The following PAXBP1 variants were observed in gnomAD, a reference collection of about 807,000 sequenced individuals.
PAXBP1 encodes PAX3- and PAX7-binding protein 1.
A neutral mutation model predicts 119.9 loss-of-function variants in PAXBP1; 44 were observed. That is an observed-to-expected ratio of 0.37 (90% CI 0.29 to 0.47). PAXBP1 has a LOEUF of 0.47. Among genes scored for constraint, PAXBP1 ranks in the 20% least tolerant of loss-of-function variants. The pLI, the probability that PAXBP1 is intolerant of heterozygous loss-of-function variation, is 0.99. For synonymous variants in PAXBP1, 393 were observed against 406.6 expected (o/e 0.97, Z 0.40); for missense variants, 898 against 1,134.1 (o/e 0.79, Z 2.99).
At chr21:32,735,149 A>G (rs2043675638) in intron 17 of PAXBP1, 82 bp from the exon 18 acceptor site, 1 of 874,600 alleles carries the variant, frequency 1.1e-6, no homozygotes, top group African/African-American at 1.7e-5. Context: ...GCTATTTTAG[A>G]GCTTCTGCAA....
rs779138819 is a variant in PAXBP1 at position 32,769,839 on chromosome 21, C to G, written c.447G>C (p.Lys149Asn). 1.9e-6 allele frequency: 3 copies of G among 1,601,810 alleles called. No individual in the cohort carries two copies. Among genetic ancestry groups the G allele is most frequent in the Non-Finnish European group, 2.5e-6 (3 of 1,176,796 alleles). ...YKEDLEKSKI[K>N]TELNSSAESE... ...TTTCAGCTGATGAGTTGAGTTCTGTCTTAATCTTCGATTTTTCAAGATCTT... is the reference window on the plus strand; with the variant it reads ...TTTCAGCTGATGAGTTGAGTTCTGTGTTAATCTTCGATTTTTCAAGATCTT... Residue 149 changes from lysine (K) to asparagine (N), a missense_variant, in exon 2 of 18, where the codon AAG becomes AAC. This residue lies in a region of PAXBP1 where 299 missense variants were observed against 281.4 expected (regional missense o/e 1.06). Transcript: ENST00000331923.
Position 32,734,691 on chromosome 21 carries a change from G to C in PAXBP1, c.*259C>G, listed in dbSNP as rs570729984. The C allele has an allele frequency of 6.4e-6, 3 of 468,730 alleles. No individual in the cohort carries two copies. Among genetic ancestry groups the C allele is most frequent in the African/African-American group, 4.0e-5 (2 of 50,624 alleles). The allele number at this position is 468,730 out of a possible 1,614,324, so 29.0% of individuals were successfully genotyped here. ...GTTTACAGGGGACAATTAACTGAGA[G>C]GGTTAATTTAAATGACCATACAAAA... On this transcript the variant is annotated 3_prime_UTR_variant, in exon 18 of 18. Transcript: ENST00000331923.
chr21:32,734,857 T>A lies in PAXBP1; in HGVS notation c.*93A>T. ...AATGTTTTTTGTATTAAAACAAGAA[T>A]TGCTATTTTACAGTTTAAGAAACTT... On this transcript the variant is annotated 3_prime_UTR_variant, in exon 18 of 18. Transcript: ENST00000331923. The A allele has an allele frequency of 1.1e-6, 1 of 870,216 alleles. No homozygotes were observed. The highest frequency in any genetic ancestry group is 2.4e-5 in the East Asian group (1 of 41,062). The allele number at this position is 870,216 out of a possible 1,614,324, so 53.9% of individuals were successfully genotyped here. A position where few individuals can be genotyped will look rare whatever the true frequency, so the allele number is the denominator to read the frequency against.
intron 14 of PAXBP1, 90 bp from the exon 15 acceptor site, chr21:32,743,404 A>C (rs1345611899): frequency 3.4e-6 from 3 of 870,734 alleles, no homozygotes; most frequent in Non-Finnish European, 5.2e-6. Flanking sequence ...TCTACAAAAC[A>C]GGTAAACAAA....
chr21:32,748,296 A>G (rs576105067), intron 11 of PAXBP1, among the ~76,000 whole-genome samples: 1 of 152,176 alleles, frequency 6.6e-6, no homozygotes, highest in Non-Finnish European at 1.5e-5. Flanking sequence ...ACAACAACAA[A>G]AAAAACACAT....
At chr21:32,760,962 T>C in intron 5 of PAXBP1, 97 bp downstream of exon 5, 2 of 876,830 alleles carry the variant, frequency 2.3e-6, no homozygotes, top group Non-Finnish European at 3.6e-6. Context: ...TTACTTGAAA[T>C]GAATGACAAA....
chr21:32,737,119 A>AT, intron 17 of PAXBP1, 135 bp downstream of exon 17: 1 of 705,038 alleles, frequency 1.4e-6, no homozygotes, highest in Non-Finnish European at 2.0e-6. Context: ...AATTATGTGC[A>AT]TTTTTGGTAG....
intron 7 of PAXBP1, among the ~76,000 whole-genome samples, chr21:32,758,637 T>C (rs2044082071): frequency 9.2e-6 from 1 of 108,786 alleles, no homozygotes. Context: ...GTAATCATCA[T>C]CCAGGGTAAA....
intron 7 of PAXBP1, chr21:32,756,564 A>AGCTG: frequency 3.2e-6 from 1 of 315,738 alleles, no homozygotes; most frequent in South Asian, 2.5e-5. Flanking sequence ...TATCCTTGAT[A>AGCTG]GCTGAGTCCA....
At chr21:32,744,752 A>G (rs1373380114) in intron 13 of PAXBP1, 40 bp downstream of exon 13, 1 of 1,517,518 alleles carries the variant, frequency 6.6e-7, no homozygotes, top group African/African-American at 1.4e-5. Context: ...TTCAACAGAA[A>G]GAGGAAAAAA....
chr21:32,748,735 A>C, intron 10 of PAXBP1, 37 bp from the exon 11 acceptor site: 1 of 1,547,800 alleles, frequency 6.5e-7, no homozygotes, highest in Non-Finnish European at 8.8e-7. Flanking sequence ...ACCATACATT[A>C]GTATGAAGTA....
chr21:32,751,379 C>T, intron 8 of PAXBP1, 161 bp from the exon 9 acceptor site: 1 of 558,574 alleles, frequency 1.8e-6, no homozygotes, highest in Non-Finnish European at 3.2e-6. Flanking sequence ...GAACAAATTT[C>T]ATTATTATTC....
chr21:32,756,220 G>A lies in PAXBP1; in HGVS notation c.1384-867C>T, dbSNP rs79403448. 8.2e-4 allele frequency: 412 copies of A among 504,476 alleles called. 1 individual carries two copies. Among genetic ancestry groups the A allele is most frequent in the African/African-American group, 5.9e-3 (291 of 49,572 alleles). 31.2% of individuals were successfully genotyped at this position (504,476 alleles called of 1,614,324 possible). On this transcript the variant is annotated intron_variant, in intron 7 of 17. Coordinates refer to ENST00000331923, the MANE Select transcript of PAXBP1 (RefSeq NM_016631.4). ...CTTATGTTATAATCAAATGCTATGA[G>A]ACTTTCACGTAACACTAATGACCAC... is the stretch of plus-strand genomic sequence containing the variant.
Position 32,734,544 on chromosome 21 carries a change from T to C in PAXBP1, c.*406A>G, listed in dbSNP as rs1429324745. 5.2e-6 allele frequency: 1 copy of C among 193,186 alleles called. No individual in the cohort carries two copies. Among genetic ancestry groups the C allele is most frequent in the Non-Finnish European group, 1.1e-5 (1 of 94,570 alleles). 12.0% of individuals were successfully genotyped at this position (193,186 alleles called of 1,614,324 possible). A position where few individuals can be genotyped will look rare whatever the true frequency, so the allele number is the denominator to read the frequency against. ...TTCCCTAAGACAATTTGCTACCGGA[T>C]AATTTTCTGCTGTTAAAAGGCTTCC... On this transcript the variant is annotated 3_prime_UTR_variant, in exon 18 of 18. Coordinates refer to ENST00000331923, the MANE Select transcript of PAXBP1 (RefSeq NM_016631.4).
Position 32,759,994 on chromosome 21 carries a change from C to T in PAXBP1, c.976G>A (p.Val326Ile), listed in dbSNP as rs763448632. 5 of 1,608,144 alleles carry T rather than the reference C, an allele frequency of 3.1e-6. No homozygotes were observed. In the African/African-American group the frequency reaches 5.4e-5, roughly 17 times the overall value. Reference protein sequence around the residue: ...QIRKGINIPQVQASQPAEVNM... With the variant: ...QIRKGINIPQIQASQPAEVNM... ...ACTTCTGCGGGTTGACTGGCTTGAA[C>T]CTAGAAAAGAAATGGGATATAGATG... Residue 326 changes from valine (V) to isoleucine (I), a missense_variant and splice_region_variant, in exon 6 of 18, where the codon GTT (valine) becomes ATT (isoleucine). Coordinates refer to ENST00000331923, the MANE Select transcript of PAXBP1 (RefSeq NM_016631.4).
At chr21:32,753,441 A>AC (rs1432311904) in intron 8 of PAXBP1, among the ~76,000 whole-genome samples, 2 of 150,494 alleles carry the variant, frequency 1.3e-5, no homozygotes, top group South Asian at 2.1e-4. Context: ...AAAAAAAAAA[A>AC]AAAAAACATT....
intron 11 of PAXBP1, among the ~76,000 whole-genome samples, chr21:32,746,718 A>G (rs2043877451): frequency 6.6e-6 from 1 of 152,254 alleles, no homozygotes; most frequent in South Asian, 2.1e-4. Context: ...CATTTGACCC[A>G]GCAATCCCAT....
At chr21:32,736,125 T>C (rs949774424) in intron 17 of PAXBP1, among the ~76,000 whole-genome samples, 4 of 152,168 alleles carry the variant, frequency 2.6e-5, no homozygotes, top group African/African-American at 9.7e-5. Flanking sequence ...AATAACAAAA[T>C]GGCACACACT....
At chr21:32,741,392 A>C (rs2146470857) in intron 15 of PAXBP1, 1 of 499,960 alleles carries the variant, frequency 2.0e-6, no homozygotes, top group South Asian at 3.7e-5. Context: ...ATGTAACATG[A>C]CAGCCTTCAG....
Sources: gnomAD v4.1 joint callset for allele counts (sites outside exome capture counted in the v4.1 genomes callset) on GRCh38, gnomAD v4.1.1 for gene constraint, gnomAD v4.1.1 regional missense constraint, MANE v1.5 for transcripts, NCBI Gene and HGNC (gene_info 2026-07-23, HGNC 2026-07-21) for gene names.